Variants in P4HA3 observed in about 807,000 individuals in gnomAD.
P4HA3 encodes prolyl 4-hydroxylase subunit alpha-3.
In P4HA3, 60 loss-of-function variants were observed where a neutral mutation model predicts 66.7. That is an observed-to-expected ratio of 0.90 (90% CI 0.73 to 1.12). The LOEUF (loss-of-function observed/expected upper bound fraction) is 1.12. P4HA3 is among the 50% of genes most tolerant of loss of function. P4HA3 has a pLI of 0.00. For synonymous variants in P4HA3, 263 were observed against 274.6 expected (o/e 0.96, Z 0.42); for missense variants, 683 against 685.8 (o/e 1.00, Z 0.05).
At chr11:74,285,754 C>T (rs1448818039) in intron 7 of P4HA3, 55 bp downstream of exon 7, 30 of 1,563,342 alleles carry the variant, frequency 1.9e-5, no homozygotes, top group Non-Finnish European at 2.4e-5. Flanking sequence ...CACTCCTGAA[C>T]TCCAGGCATG....
chr11:74,297,332 G>C (rs535095788), intron 4 of P4HA3, among the ~76,000 whole-genome samples: 3 of 152,112 alleles, frequency 2.0e-5, no homozygotes, highest in Non-Finnish European at 4.4e-5. Flanking sequence ...GCTGCACTGA[G>C]AGTAAATCTG....
chr11:74,295,066 C>T lies in P4HA3; in HGVS notation c.717+3146G>A, dbSNP rs185220537. Among the ~76,000 whole-genome samples the T allele has an allele frequency of 4.9e-4, 74 of 152,294 alleles. No individual in the cohort carries two copies. The East Asian group carries it at 0.012, about 25-fold the overall frequency. On this transcript the variant is annotated intron_variant, in intron 4 of 12. Coordinates refer to ENST00000331597, the MANE Select transcript of P4HA3 (RefSeq NM_182904.5). ...CCTATTCGGCCATCTTGGCTCCTCCCCCCGTGCCCTCAAATCTTAAAGCAT... is the reference window on the plus strand; with the variant it reads ...CCTATTCGGCCATCTTGGCTCCTCCTCCCGTGCCCTCAAATCTTAAAGCAT...
At chr11:74,274,308 T>G (rs548714704) in intron 9 of P4HA3, among the ~76,000 whole-genome samples, 380 of 151,578 alleles carry the variant, frequency 2.5e-3, no homozygotes, top group Non-Finnish European at 3.9e-3. Flanking sequence ...TTTTTTGTTT[T>G]TTTTTTTTTG....
chr11:74,269,823 T>G, intron 10 of P4HA3, 103 bp from the exon 11 acceptor site: 1 of 1,161,060 alleles, frequency 8.6e-7, no homozygotes, highest in African/African-American at 1.6e-5. Flanking sequence ...GGTCTTTTCT[T>G]CAACTCTGAG....
At chr11:74,262,263 C>T (rs1859918997), downstream of P4HA3, among the ~76,000 whole-genome samples, 1 of 152,180 alleles carries the variant, frequency 6.6e-6, no homozygotes, top group Admixed American at 6.5e-5. Context: ...CTACCCATTT[C>T]TAATGCAAAC....
chr11:74,255,871 C>T (rs1233714486), intron 15 of P4HA3: 1 of 491,814 alleles, frequency 2.0e-6, no homozygotes, highest in Non-Finnish European at 4.1e-6. Flanking sequence ...CATGAGCTCC[C>T]TAGTAGAGGA....
At chr11:74,251,917 G>A (rs1033769108) in intron 15 of P4HA3, 159 of 764,626 alleles carry the variant, frequency 2.1e-4, no homozygotes, top group Non-Finnish European at 2.8e-4. Context: ...GCTCCCACGG[G>A]TTGATGCTGA....
In P4HA3 at chr11:74,267,147, T is replaced by C. The variant is rs904431186; in HGVS notation, c.*101A>G. 1.3e-6 allele frequency: 2 copies of C among 1,579,618 alleles called. No homozygotes were observed. The highest frequency in any genetic ancestry group is 1.3e-5 in the African/African-American group (1 of 74,716). On this transcript the variant is annotated 3_prime_UTR_variant, in exon 13 of 13. Coordinates refer to ENST00000331597, the MANE Select transcript of P4HA3 (RefSeq NM_182904.5). Reference sequence around the variant, plus strand: ...CACAGACAAAGCTGACAAGGCCTTCTTCCAGGAGGCTGCTCTGCTTTCTCC... The same window carrying C: ...CACAGACAAAGCTGACAAGGCCTTCCTCCAGGAGGCTGCTCTGCTTTCTCC...
At chr11:74,297,457 C>G (rs973253498) in intron 4 of P4HA3, among the ~76,000 whole-genome samples, 1 of 152,264 alleles carries the variant, frequency 6.6e-6, no homozygotes, top group South Asian at 2.1e-4. Context: ...TTTGGAAACT[C>G]TAGGGAACTG....
intron 10 of P4HA3, among the ~76,000 whole-genome samples, chr11:74,272,302 TG>T (rs1860232660): frequency 6.6e-6 from 1 of 152,088 alleles, no homozygotes; most frequent in Non-Finnish European, 1.5e-5. Context: ...CTATAGTAAC[TG>T]GGGCCCTGTA....
intron 14 of P4HA3, among the ~76,000 whole-genome samples, chr11:74,260,527 T>A (rs1244331015): frequency 6.6e-6 from 1 of 152,218 alleles, no homozygotes; most frequent in Admixed American, 6.5e-5. Flanking sequence ...TTTAATGTAA[T>A]TTTTTATTTG....
chr11:74,293,575 T>C lies in P4HA3; in HGVS notation c.718-4445A>G, dbSNP rs1332861957. Among the ~76,000 whole-genome samples the C allele has an allele frequency of 2.6e-5, 4 of 152,242 alleles. No individual in the cohort carries two copies. In the East Asian group the frequency reaches 7.7e-4, roughly 29 times the overall value. ...TTTACAATTTGACATGTTTTTGCAG[T>C]GGCTGGTACCAGTTGTTCCTTTCCA... On this transcript the variant is annotated intron_variant, in intron 4 of 12. Transcript: ENST00000331597.
chr11:74,291,043 C>T (rs1157605576), intron 4 of P4HA3, among the ~76,000 whole-genome samples: 1 of 152,138 alleles, frequency 6.6e-6, no homozygotes, highest in South Asian at 2.1e-4. Context: ...GGCAGTATGG[C>T]CATTTTCACG....
At chr11:74,288,246 G>T (rs73550754) in intron 5 of P4HA3, among the ~76,000 whole-genome samples, 1 of 152,124 alleles carries the variant, frequency 6.6e-6, no homozygotes, top group South Asian at 2.1e-4. Context: ...CTCCCTGAAG[G>T]GGGGTGATGC....
chr11:74,303,717 A>T (rs1861488754), intron 2 of P4HA3, among the ~76,000 whole-genome samples: 1 of 150,704 alleles, frequency 6.6e-6, no homozygotes, highest in Non-Finnish European at 1.5e-5. Flanking sequence ...AGTAGCTGGG[A>T]TTACAGGCAT....
chr11:74,286,990 C>G (rs1233951820), intron 5 of P4HA3: 1 of 629,912 alleles, frequency 1.6e-6, no homozygotes, highest in African/African-American at 2.0e-5. Context: ...TCTTTCAAAT[C>G]TCCTAACTGG....
intron 15 of P4HA3, chr11:74,253,561 G>T (rs981942124): frequency 6.4e-7 from 1 of 1,553,480 alleles, no homozygotes; most frequent in Non-Finnish European, 8.9e-7. Flanking sequence ...TAAATACGTC[G>T]CACCAGAGGC....
chr11:74,302,225 G>C (rs961531734), intron 3 of P4HA3, 144 bp downstream of exon 3: 7 of 821,590 alleles, frequency 8.5e-6, no homozygotes, highest in Non-Finnish European at 1.1e-5. Flanking sequence ...TCTGAATCTT[G>C]TTTTCTTTCT....
chr11:74,288,421 GTCTGCTTCCAAAA>G (rs1860876584), intron 5 of P4HA3, among the ~76,000 whole-genome samples: 1 of 152,134 alleles, frequency 6.6e-6, no homozygotes, highest in African/African-American at 2.4e-5. Flanking sequence ...TCATTCTTGG[GTCTGCTTCCAAAA>G]TCTGGGTCTT....
Sources: allele counts gnomAD v4.1 joint callset (sites outside exome capture counted in the v4.1 genomes callset), GRCh38; gene constraint gnomAD v4.1.1; transcripts MANE v1.5; gene names NCBI Gene and HGNC (gene_info 2026-07-23, HGNC 2026-07-21).